DCAF8: variants seen among roughly 807,000 people sequenced by gnomAD.
The protein encoded by DCAF8 is DDB1 and CUL4 associated factor 8, also known as DDB1- and CUL4-associated factor 8.
Under a neutral mutation model 68.0 loss-of-function variants are expected in DCAF8, and 20 were observed. The ratio of observed to expected loss-of-function variants is 0.29; its 90% CI spans 0.21 to 0.43. The LOEUF (loss-of-function observed/expected upper bound fraction) is 0.43, where lower values mean the gene tolerates loss of function less well. DCAF8 is among the 20% of genes least tolerant of loss of function. DCAF8 has a pLI of 1.00. For synonymous variants in DCAF8, 230 were observed against 276.9 expected (o/e 0.83, Z 1.68); for missense variants, 460 against 771.0 (o/e 0.60, Z 4.78).
intron 4 of DCAF8, chr1:160,239,371 A>G (rs1656011332): frequency 1.2e-5 from 17 of 1,367,956 alleles, no homozygotes; most frequent in Admixed American, 3.2e-5. Context: ...AAGATCACTG[A>G]GCTAGTAAGC....
chr1:160,257,515 T>A (rs920214934), intron 2 of DCAF8, among the ~76,000 whole-genome samples: 1 of 152,218 alleles, frequency 6.6e-6, no homozygotes, highest in African/African-American at 2.4e-5. Flanking sequence ...AATACAAGAC[T>A]TAGAGCACGA....
At chr1:160,222,960 C>T (rs899819808) in intron 10 of DCAF8, among the ~76,000 whole-genome samples, 179 bp from the exon 11 acceptor site, 12 of 152,224 alleles carry the variant, frequency 7.9e-5, no homozygotes, top group Non-Finnish European at 8.8e-5. Flanking sequence ...CCAAAGAGCT[C>T]GCTCCTTAGG....
intron 8 of DCAF8, 59 bp downstream of exon 8, chr1:160,225,532 G>T: frequency 7.4e-7 from 1 of 1,359,658 alleles, no homozygotes; most frequent in Non-Finnish European, 1.0e-6. Context: ...ACAAGTTCAG[G>T]TGCAGCCTTG....
chr1:160,237,676 G>A (rs1173795333), intron 5 of DCAF8, among the ~76,000 whole-genome samples: 1 of 152,074 alleles, frequency 6.6e-6, no homozygotes, highest in African/African-American at 2.4e-5. Flanking sequence ...AGAGGCACAA[G>A]GCACTATACC....
chr1:160,249,726 C>A (rs905563583), intron 2 of DCAF8, among the ~76,000 whole-genome samples: 2 of 152,096 alleles, frequency 1.3e-5, no homozygotes, highest in East Asian at 1.9e-4. Context: ...TTAAATTCAT[C>A]AAAAAACTGG....
rs769621984 is a variant in DCAF8 at position 160,217,634 on chromosome 1, G to A, written c.1752C>T (p.Asp584=). 1.2e-5 allele frequency: 20 copies of A among 1,613,944 alleles called. No individual in the cohort carries two copies. Among genetic ancestry groups the A allele is most frequent in the African/African-American group, 2.7e-5 (2 of 74,916 alleles). The change falls in exon 14 of 14, where the codon GAC becomes GAT. Residue 584 remains aspartate, a synonymous_variant. Coordinates refer to ENST00000368074, the MANE Select transcript of DCAF8 (RefSeq NM_015726.4). ...DESPSSSDTS[D]EEEGPDRVQC... ...GCACCCGGTCAGGGCCCTCCTCCTCGTCCGATGTGTCTGAGGAGCTGGGAG... is the reference window on the plus strand; with the variant it reads ...GCACCCGGTCAGGGCCCTCCTCCTCATCCGATGTGTCTGAGGAGCTGGGAG...
chr1:160,254,406 A>T (rs1176648766), intron 2 of DCAF8, among the ~76,000 whole-genome samples: 1 of 152,172 alleles, frequency 6.6e-6, no homozygotes, highest in East Asian at 1.9e-4. Context: ...AAAAGTTTGT[A>T]TTCCTACTGT....
chr1:160,253,810 A>G (rs932443383), intron 2 of DCAF8, among the ~76,000 whole-genome samples: 1 of 152,000 alleles, frequency 6.6e-6, no homozygotes, highest in African/African-American at 2.4e-5. Context: ...TGGGTGACAG[A>G]GCAAGTCCCT....
In DCAF8 at chr1:160,258,942, T is replaced by C. The variant is rs1196407870; in HGVS notation, c.-27+2343A>G. ...CATCCTTTCCTTCACCCGACATGGATCTTCAGAGTTCATAAAAACACAAAT... is the reference window on the plus strand; with the variant it reads ...CATCCTTTCCTTCACCCGACATGGACCTTCAGAGTTCATAAAAACACAAAT... On this transcript the variant is annotated intron_variant, in intron 2 of 13. Coordinates refer to ENST00000368074, the MANE Select transcript of DCAF8 (RefSeq NM_015726.4). Among the ~76,000 whole-genome samples, 4 of 152,118 alleles carry C rather than the reference T, an allele frequency of 2.6e-5. No homozygotes were observed. In the East Asian group the frequency reaches 7.7e-4, roughly 29 times the overall value.
intron 8 of DCAF8, 124 bp downstream of exon 8, chr1:160,225,467 C>T: frequency 1.4e-6 from 1 of 737,926 alleles, no homozygotes; most frequent in Admixed American, 2.7e-5. Context: ...GTGGTAAAGC[C>T]AGGATTCAAA....
intron 2 of DCAF8, among the ~76,000 whole-genome samples, chr1:160,257,017 A>T (rs1466870504): frequency 2.0e-5 from 3 of 152,226 alleles, no homozygotes; most frequent in African/African-American, 7.2e-5. Context: ...TAAATCAATA[A>T]AGAGCAAGTA....
rs770386145 is a variant in DCAF8 at position 160,217,693 on chromosome 1, C to T, written c.1693G>A (p.Gly565Arg). 1.1e-5 allele frequency: 18 copies of T among 1,613,998 alleles called. No individual in the cohort carries two copies. The highest frequency in any genetic ancestry group is 1.5e-5 in the Non-Finnish European group (18 of 1,179,982). The change falls in exon 14 of 14, where the codon GGG becomes AGG. Residue 565 changes from glycine to arginine, a missense_variant. Physicochemically the swap from Gly to Arg is moderately radical, Grantham distance 125. Coordinates refer to ENST00000368074, the MANE Select transcript of DCAF8 (RefSeq NM_015726.4). ...RRHHRRWREP[G>R]VGATDADSDE... ...GAGTCCGCGTCTGTGGCCCCAACCC[C>T]AGGTTCTCGCCAGCGCTGTGGATGG...
intron 7 of DCAF8, among the ~76,000 whole-genome samples, chr1:160,229,027 C>T (rs746187993): frequency 2.0e-5 from 3 of 152,064 alleles, no homozygotes; most frequent in South Asian, 2.1e-4. Context: ...TAGCCAGGCG[C>T]GGTGGCTCAC....
chr1:160,246,247 C>T (rs1164226256), intron 2 of DCAF8, among the ~76,000 whole-genome samples: 2 of 152,176 alleles, frequency 1.3e-5, no homozygotes, highest in East Asian at 3.8e-4. Context: ...AAACTCTTTA[C>T]CATACGTTTC....
In DCAF8 at chr1:160,229,877, G is replaced by C. The variant is rs1368618361; in HGVS notation, c.1070+1420C>G. Among the ~76,000 whole-genome samples, 4 of 152,146 alleles carry C rather than the reference G, an allele frequency of 2.6e-5. No homozygotes were observed. The East Asian group carries it at 7.7e-4, about 29-fold the overall frequency. Reference sequence around the variant, plus strand: ...GTTCTACTGAAAATACAAAAAATTAGCCAGGCGTGGTGGCGTGCACCTGTA... The same window carrying C: ...GTTCTACTGAAAATACAAAAAATTACCCAGGCGTGGTGGCGTGCACCTGTA... On this transcript the variant is annotated intron_variant, in intron 7 of 13. Transcript: ENST00000368074.
intron 3 of DCAF8, among the ~76,000 whole-genome samples, chr1:160,241,131 G>A (rs1656099215): frequency 6.6e-6 from 1 of 152,038 alleles, no homozygotes; most frequent in Non-Finnish European, 1.5e-5. Flanking sequence ...TAGCCTGGGC[G>A]ACAAAGCGAG....
At chr1:160,242,492 A>T (rs1656157250) in intron 3 of DCAF8, among the ~76,000 whole-genome samples, 1 of 152,146 alleles carries the variant, frequency 6.6e-6, no homozygotes, top group Admixed American at 6.5e-5. Context: ...AAAACACCAA[A>T]ACATCTAGTG....
At position 160,231,245 on chromosome 1, in the gene DCAF8, C is replaced by G. The variant is rs951746525; in HGVS notation, c.1070+52G>C. On this transcript the variant is annotated intron_variant, in intron 7 of 13. Coordinates refer to ENST00000368074, the MANE Select transcript of DCAF8 (RefSeq NM_015726.4). The stretch of plus-strand genomic sequence containing the variant: ...CCATAAAGGAGCACCTGGTAGTATA[C>G]AATGCATCAGTCTTACAAACTGTCA... 4.9e-6 allele frequency: 6 copies of G among 1,232,612 alleles called. No homozygotes were observed. The African/African-American group carries it at 8.9e-5, about 18-fold the overall frequency. 76.4% of individuals were successfully genotyped at this position (1,232,612 alleles called of 1,614,324 possible). A position where few individuals can be genotyped will look rare whatever the true frequency, so the allele number is the denominator to read the frequency against.
At chr1:160,255,130 T>C (rs1656777180) in intron 2 of DCAF8, among the ~76,000 whole-genome samples, 1 of 152,168 alleles carries the variant, frequency 6.6e-6, no homozygotes, top group African/African-American at 2.4e-5. Context: ...CAGTCCCAAG[T>C]CTATGAAATC....
Sources: gnomAD v4.1 joint callset for allele counts (sites outside exome capture counted in the v4.1 genomes callset) on GRCh38, gnomAD v4.1.1 for gene constraint, MANE v1.5 for transcripts, NCBI Gene and HGNC (gene_info 2026-07-23, HGNC 2026-07-21) for gene names.